TENT4A: variants seen among roughly 807,000 people sequenced by gnomAD.
The protein encoded by TENT4A is terminal nucleotidyltransferase 4A.
In TENT4A, 7 loss-of-function variants were observed where a neutral mutation model predicts 72.8. The observed-to-expected ratio is 0.10, with a 90% CI of 0.05 to 0.18. The LOEUF (loss-of-function observed/expected upper bound fraction) is 0.18. Among genes scored for constraint, TENT4A ranks in the 10% least tolerant of loss-of-function variants. TENT4A has a pLI of 1.00. For synonymous variants in TENT4A, 456 were observed against 434.3 expected, an observed-to-expected ratio of 1.05 and a Z score of -0.62; for missense variants, 831 against 1,017.7, an observed-to-expected ratio of 0.82 and a Z score of 2.50.
intron 1 of TENT4A, among the ~76,000 whole-genome samples, chr5:6,737,090 G>A (rs1228456183): frequency 6.6e-6 from 1 of 152,226 alleles, no homozygotes; most frequent in Admixed American, 6.5e-5. Context: ...GCTCCTTAGC[G>A]TGAGGCACTC....
At chr5:6,748,633 G>T in intron 8 of TENT4A, 43 bp downstream of exon 8, 1 of 1,587,974 alleles carries the variant, frequency 6.3e-7, no homozygotes. Flanking sequence ...CGTGCCTGTG[G>T]GATGGTACTT....
At chr5:6,738,896 T>C (rs957186537) in intron 3 of TENT4A, among the ~76,000 whole-genome samples, 167 bp downstream of exon 3, 11 of 152,218 alleles carry the variant, frequency 7.2e-5, no homozygotes, top group African/African-American at 2.4e-4. Flanking sequence ...TTTAATTTAG[T>C]GTTATGATGA....
Position 6,739,830 on chromosome 5 carries a change from T to C in TENT4A, c.986T>C (p.Ile329Thr). The stretch of plus-strand genomic sequence containing the variant: ...CACAACGTGGCTGAGCCGTGTTCCA[T>C]CAAAGTCCTTGACAAGGCTACGGTG... ...RKHNVAEPCS[I>T]KVLDKATVPI... Residue 329 changes from isoleucine to threonine, a missense_variant, in exon 4 of 13, where the codon ATC (isoleucine) becomes ACC (threonine). Transcript: ENST00000230859. 6.2e-7 allele frequency: 1 copy of C among 1,614,124 alleles called. No individual in the cohort carries two copies. Among genetic ancestry groups the C allele is most frequent in the Non-Finnish European group, 8.5e-7 (1 of 1,179,974 alleles).
rs200435958 is a variant in TENT4A, at chr5:6,750,444, C to G, written c.1801C>G (p.Gln601Glu). 2.2e-5 allele frequency: 35 copies of G among 1,611,572 alleles called. No homozygotes were observed. The highest frequency in any genetic ancestry group is 3.0e-5 in the Non-Finnish European group (35 of 1,178,874). The change falls in exon 10 of 13, where the codon CAG (glutamine) becomes GAG (glutamate). Residue 601 changes from glutamine to glutamate, a missense_variant. By Grantham distance (29) the Gln-to-Glu change is conservative (BLOSUM62 2). Around this residue, in one of 3 missense-constraint regions of TENT4A, gnomAD observed 332 missense variants for 324.3 expected, o/e 1.02. Coordinates refer to ENST00000230859, the MANE Select transcript of TENT4A (RefSeq NM_006999.6). Reference sequence around the variant, plus strand: ...CTTGACTTTGTCGCTGTCCAGCCCCCAGCTCCTGTCTTCAGGCTCCTCGGC... The same window carrying G: ...CTTGACTTTGTCGCTGTCCAGCCCCGAGCTCCTGTCTTCAGGCTCCTCGGC... Reference protein sequence around the residue: ...QRLTLSLSSPQLLSSGSSASS... With the variant: ...QRLTLSLSSPELLSSGSSASS...
rs1377089293 is a variant in TENT4A at position 6,756,852 on chromosome 5, A to G, written c.*1907A>G. 1.3e-5 allele frequency: 2 copies of G among 152,602 alleles called. No homozygotes were observed. Among genetic ancestry groups the G allele is most frequent in the Non-Finnish European group, 2.9e-5 (2 of 68,024 alleles). The allele number at this position is 152,602 out of a possible 1,614,324, so 9.5% of individuals were successfully genotyped here. ...TAAAACTCGATTCATAGACACAGGT[A>G]CCATGTTCCATTTCCGTCATGGTGA... On this transcript the variant is annotated 3_prime_UTR_variant, in exon 13 of 13. Transcript: ENST00000230859.
intron 12 of TENT4A, among the ~76,000 whole-genome samples, chr5:6,753,708 C>T (rs898222014): frequency 1.3e-5 from 2 of 152,258 alleles, no homozygotes; most frequent in Non-Finnish European, 2.9e-5. Flanking sequence ...GGTGTCCACA[C>T]CTCTTTATTC....
At chr5:6,749,756 AATAGCTAGTTTTTCTG>A (rs1195912100) in intron 9 of TENT4A, 99 bp downstream of exon 9, 2 of 779,316 alleles carry the variant, frequency 2.6e-6, no homozygotes, top group Non-Finnish European at 4.5e-6. Context: ...AAATTAAGAA[AATAGCTAGTTTTTCTG>A]ATGAGCATTA....
chr5:6,750,297 A>C, intron 9 of TENT4A, 34 bp from the exon 10 acceptor site: 1 of 1,580,340 alleles, frequency 6.3e-7, no homozygotes, highest in Non-Finnish European at 8.6e-7. Flanking sequence ...CGCAGTTCTC[A>C]GGAGTTATTA....
At chr5:6,745,143 G>A (rs878962187) in intron 6 of TENT4A, among the ~76,000 whole-genome samples, 5 of 152,212 alleles carry the variant, frequency 3.3e-5, no homozygotes, top group Admixed American at 6.5e-5. Flanking sequence ...CCCTGGCACC[G>A]GCCAGGCTCT....
chr5:6,738,010 C>A (rs1741598741), intron 2 of TENT4A, among the ~76,000 whole-genome samples: 1 of 151,510 alleles, frequency 6.6e-6, no homozygotes, highest in Non-Finnish European at 1.5e-5. Flanking sequence ...CCCCTGCTTC[C>A]CCACCACCAC....
At chr5:6,734,439 C>T (rs890142493) in intron 1 of TENT4A, among the ~76,000 whole-genome samples, 1 of 152,242 alleles carries the variant, frequency 6.6e-6, no homozygotes, top group Non-Finnish European at 1.5e-5. Flanking sequence ...CACACTGCCT[C>T]GTGGGCAGTC....
At chr5:6,718,328 C>T (rs1366271491) in intron 1 of TENT4A, among the ~76,000 whole-genome samples, 1 of 152,236 alleles carries the variant, frequency 6.6e-6, no homozygotes, top group African/African-American at 2.4e-5. Context: ...CCCCCTCTCC[C>T]TCTAGCCTGA....
At chr5:6,746,146 C>G (rs957921455) in intron 6 of TENT4A, 68 bp from the exon 7 acceptor site, 4 of 1,609,942 alleles carry the variant, frequency 2.5e-6, no homozygotes, top group Non-Finnish European at 3.4e-6. Flanking sequence ...CAGCAGACTT[C>G]GTCGCGTGCT....
rs1208923813 is a variant in TENT4A at position 6,713,514 on chromosome 5, A to C, written c.-470A>C. 1 of 146,720 alleles carries C rather than the reference A, an allele frequency of 6.8e-6. No homozygotes were observed. Among genetic ancestry groups the C allele is most frequent in the Non-Finnish European group, 1.5e-5 (1 of 66,500 alleles). The allele number at this position is 146,720 out of a possible 1,614,324, so 9.1% of individuals were successfully genotyped here. A position where few individuals can be genotyped will look rare whatever the true frequency, so the allele number is the denominator to read the frequency against. ...GCAGGAGCGCCGAGCCAGCGGCGCG[A>C]GCGTGACTGAGGGCTAGCCGCACGG... On this transcript the variant is annotated 5_prime_UTR_variant, in exon 1 of 13. Coordinates refer to ENST00000230859, the MANE Select transcript of TENT4A (RefSeq NM_006999.6).
intron 3 of TENT4A, among the ~76,000 whole-genome samples, chr5:6,739,385 C>T (rs916078289): frequency 1.7e-4 from 26 of 152,168 alleles, no homozygotes; most frequent in Non-Finnish European, 3.7e-4. Flanking sequence ...AGTGATCCAG[C>T]GTAGGCAGTG....
chr5:6,721,973 A>G (rs923340452), intron 1 of TENT4A, among the ~76,000 whole-genome samples: 1 of 152,314 alleles, frequency 6.6e-6, no homozygotes, highest in South Asian at 2.1e-4. Context: ...ATCTGAAGGA[A>G]TGGCTAGGAT....
At chr5:6,724,761 G>A (rs1201506373) in intron 1 of TENT4A, among the ~76,000 whole-genome samples, 1 of 152,256 alleles carries the variant, frequency 6.6e-6, no homozygotes, top group African/African-American at 2.4e-5. Flanking sequence ...GGGGACCTCA[G>A]CTTTTCCTCT....
At chr5:6,731,863 A>G (rs915349876) in intron 1 of TENT4A, among the ~76,000 whole-genome samples, 2 of 152,198 alleles carry the variant, frequency 1.3e-5, no homozygotes, top group African/African-American at 2.4e-5. Context: ...ACAAGCCCAT[A>G]GTATGTTCCT....
In TENT4A at chr5:6,739,826, TC is replaced by T; in HGVS notation, c.984del (p.Ile329SerfsTer11). 6.2e-7 allele frequency: 1 copy of T among 1,614,178 alleles called. No individual in the cohort carries two copies. ...LRKHNVAEPCSIKVLDKATVP... is the reference protein window; with the variant it reads ...LRKHNVAEPCXIKVLDKATVP... ...GAAGCACAACGTGGCTGAGCCGTGT[TC>T]CATCAAAGTCCTTGACAAGGCTACG... is the stretch of plus-strand genomic sequence containing the variant. On this transcript the variant is annotated frameshift_variant, in exon 4 of 13. Coordinates refer to ENST00000230859, the MANE Select transcript of TENT4A (RefSeq NM_006999.6). LOFTEE classifies it high-confidence loss of function.
Sources: allele counts gnomAD v4.1 joint callset (sites outside exome capture counted in the v4.1 genomes callset), GRCh38; gene constraint gnomAD v4.1.1; regional missense constraint gnomAD v4.1.1; transcripts MANE v1.5; gene names NCBI Gene and HGNC (gene_info 2026-07-23, HGNC 2026-07-21).